The following THSD7B variants were observed in gnomAD, a reference collection of about 807,000 sequenced individuals.
THSD7B encodes the protein thrombospondin type 1 domain containing 7B.
THSD7B carries 138 observed loss-of-function variants against 213.6 expected under a neutral mutation model. The ratio of observed to expected loss-of-function variants is 0.65; its 90% CI spans 0.56 to 0.74. The LOEUF (loss-of-function observed/expected upper bound fraction) is 0.74, where lower values mean the gene tolerates loss of function less well. Among genes scored for constraint, THSD7B ranks in the 30% least tolerant of loss-of-function variants. The pLI, the probability that THSD7B is intolerant of heterozygous loss-of-function variation, is 0.00. For synonymous variants in THSD7B, 742 were observed against 687.0 expected (o/e 1.08, Z -1.25); for missense variants, 1,931 against 1,991.5 (o/e 0.97, Z 0.58).
At chr2:137,629,992 T>C (rs1682710047) in intron 20 of THSD7B, among the ~76,000 whole-genome samples, 1 of 143,002 alleles carries the variant, frequency 7.0e-6, no homozygotes, top group Admixed American at 6.9e-5. Context: ...TGCGCCCAAC[T>C]TCAATTTTTT....
intron 2 of THSD7B, among the ~76,000 whole-genome samples, chr2:137,012,604 T>C (rs971511420): frequency 6.6e-6 from 1 of 152,202 alleles, no homozygotes; most frequent in African/African-American, 2.4e-5. Context: ...GTTCAGCAAG[T>C]TCAGTGCTCA....
chr2:137,320,248 G>T (rs1573959591), intron 12 of THSD7B, among the ~76,000 whole-genome samples: 1 of 151,958 alleles, frequency 6.6e-6, no homozygotes, highest in East Asian at 1.9e-4. Context: ...ATATCACATT[G>T]TACTCCAGCT....
intron 10 of THSD7B, among the ~76,000 whole-genome samples, chr2:137,250,638 T>A (rs1682151205): frequency 6.6e-6 from 1 of 152,192 alleles, no homozygotes; most frequent in Non-Finnish European, 1.5e-5. Flanking sequence ...TGCTAGGCGC[T>A]GTGTGTATAT....
intron 15 of THSD7B, among the ~76,000 whole-genome samples, chr2:137,464,797 A>G (rs1477813317): frequency 6.6e-6 from 1 of 152,098 alleles, no homozygotes; most frequent in Admixed American, 6.6e-5. Flanking sequence ...TGTGTGGTCT[A>G]TGCTATCCAT....
chr2:136,992,566 T>A (rs1197195246), intron 2 of THSD7B, among the ~76,000 whole-genome samples: 1 of 152,170 alleles, frequency 6.6e-6, no homozygotes, highest in African/African-American at 2.4e-5. Flanking sequence ...AAGGCAGCAC[T>A]ACAGTGGGTG....
rs373034578 is a variant in THSD7B at position 136,989,926 on chromosome 2, G to C, written c.140-66494G>C. 5.9e-5 allele frequency among the ~76,000 whole-genome samples: 9 copies of C among 152,288 alleles called. No homozygotes were observed. In the East Asian group the frequency reaches 1.5e-3, roughly 26 times the overall value. On this transcript the variant is annotated intron_variant, in intron 2 of 27. Transcript: ENST00000409968. ...TACTAGGGTCATACAGCATTCTAAT[G>C]GTTTCACACATGTGAATTCTTAACT... is the stretch of plus-strand genomic sequence containing the variant.
At chr2:137,049,715 T>G (rs181356333) in intron 2 of THSD7B, among the ~76,000 whole-genome samples, 1 of 152,230 alleles carries the variant, frequency 6.6e-6, no homozygotes, top group East Asian at 1.9e-4. Flanking sequence ...TCATTTCACA[T>G]AACAAATAGT....
chr2:137,406,607 G>A (rs1293099648), intron 13 of THSD7B, among the ~76,000 whole-genome samples: 1 of 152,148 alleles, frequency 6.6e-6, no homozygotes, highest in Non-Finnish European at 1.5e-5. Context: ...GCAGTTGAAG[G>A]GCTAATTCTG....
intron 20 of THSD7B, among the ~76,000 whole-genome samples, chr2:137,636,737 CT>C (rs1682839964): frequency 6.6e-6 from 1 of 152,120 alleles, no homozygotes; most frequent in Non-Finnish European, 1.5e-5. Context: ...AGTTAAAGTA[CT>C]TGTATGTAGT....
chr2:137,284,332 G>A (rs1683114307), intron 12 of THSD7B, among the ~76,000 whole-genome samples: 1 of 151,936 alleles, frequency 6.6e-6, no homozygotes, highest in Non-Finnish European at 1.5e-5. Context: ...CAATTTTGTT[G>A]ATCTTTTCAA....
chr2:137,068,702 A>G (rs745852360), intron 3 of THSD7B, among the ~76,000 whole-genome samples: 1 of 152,118 alleles, frequency 6.6e-6, no homozygotes, highest in African/African-American at 2.4e-5. Flanking sequence ...AATTTGTTCT[A>G]AAGTACAGAT....
At chr2:137,010,621 C>T (rs10928587) in intron 2 of THSD7B, among the ~76,000 whole-genome samples, 122,513 of 152,204 alleles carry the variant, frequency 0.8, 50,079 homozygotes, top group South Asian at 0.92. Context: ...AGTGCCAACA[C>T]ATGTTATTTC....
At chr2:137,246,954 G>T (rs1446252398) in intron 10 of THSD7B, among the ~76,000 whole-genome samples, 1 of 152,098 alleles carries the variant, frequency 6.6e-6, no homozygotes, top group Non-Finnish European at 1.5e-5. Context: ...ATATCTTTAG[G>T]TTGGAAGGAT....
rs757187488 is a variant in THSD7B at position 137,655,502 on chromosome 2, G to A, written c.3947G>A (p.Gly1316Asp). The A allele has an allele frequency of 2.5e-6, 4 of 1,610,652 alleles. No homozygotes were observed. The highest frequency in any genetic ancestry group is 3.4e-6 in the Non-Finnish European group (4 of 1,178,386). Residue 1316 changes from glycine to aspartate, a missense_variant and splice_region_variant, in exon 22 of 28, where the codon GGT becomes GAT. Transcript: ENST00000409968. ...LGNWSACKLEGGDCGEGVQIR... is the reference protein window; with the variant it reads ...LGNWSACKLEDGDCGEGVQIR... ...TGAAAGTATCCTTTCCTCTCATAGG[G>A]TGGAGACTGTGGGGAAGGAGTTCAG...
chr2:137,628,669 A>T (rs2104849996), intron 20 of THSD7B, among the ~76,000 whole-genome samples: 1 of 152,352 alleles, frequency 6.6e-6, no homozygotes, highest in East Asian at 1.9e-4. Flanking sequence ...CTCAAGGGCC[A>T]CTGCTGGGAT....
At chr2:137,045,849 C>G (rs1477177539) in intron 2 of THSD7B, among the ~76,000 whole-genome samples, 1 of 151,950 alleles carries the variant, frequency 6.6e-6, no homozygotes, top group African/African-American at 2.4e-5. Context: ...AAGAAGGGAT[C>G]TATAGAGTTG....
intron 12 of THSD7B, among the ~76,000 whole-genome samples, chr2:137,332,826 A>G (rs1573966544): frequency 6.6e-6 from 1 of 152,168 alleles, no homozygotes; most frequent in Admixed American, 6.5e-5. Flanking sequence ...TGCCCTGTGA[A>G]GAGGTGCCTT....
intron 5 of THSD7B, among the ~76,000 whole-genome samples, chr2:137,155,504 G>A (rs758377941): frequency 1.3e-4 from 20 of 152,172 alleles, no homozygotes; most frequent in Non-Finnish European, 2.5e-4. Flanking sequence ...CATCGTGGCT[G>A]GAGTTTGGCC....
intron 7 of THSD7B, among the ~76,000 whole-genome samples, chr2:137,195,515 GAATATTGCAAA>G (rs549429972): frequency 1.1e-4 from 17 of 152,162 alleles, no homozygotes; most frequent in Non-Finnish European, 1.8e-4. Flanking sequence ...TAAATGGTGG[GAATATTGCAAA>G]AGAATGCAGG....
Sources: allele counts gnomAD v4.1 joint callset (sites outside exome capture counted in the v4.1 genomes callset), GRCh38; gene constraint gnomAD v4.1.1; transcripts MANE v1.5; gene names NCBI Gene and HGNC (gene_info 2026-07-23, HGNC 2026-07-21).